The following ITGB5 variants were observed in gnomAD, a reference collection of about 807,000 sequenced individuals.
ITGB5 encodes integrin subunit beta 5, also known as integrin beta-5.
ITGB5 carries 38 observed loss-of-function variants against 84.8 expected under a neutral mutation model. The ratio of observed to expected loss-of-function variants is 0.45; its 90% CI spans 0.35 to 0.59. The LOEUF (loss-of-function observed/expected upper bound fraction) is 0.59. ITGB5 is among the 20% of genes least tolerant of loss of function. The probability of loss-of-function intolerance (pLI) is 0.01; values close to 1 mark genes in which losing one functional copy is unlikely to be tolerated. For synonymous variants in ITGB5, 393 were observed against 414.4 expected (o/e 0.95, Z 0.63); for missense variants, 905 against 1,034.5 (o/e 0.87, Z 1.72).
intron 1 of ITGB5, among the ~76,000 whole-genome samples, chr3:124,898,791 A>AG (rs1935163607): frequency 7.0e-6 from 1 of 143,508 alleles, no homozygotes; most frequent in South Asian, 2.3e-4. Context: ...AAAAAAAAAA[A>AG]AAGGCCGGGC....
In ITGB5 at chr3:124,763,327, A is replaced by G. The variant is rs2063719358; in HGVS notation, c.*296T>C. On this transcript the variant is annotated 3_prime_UTR_variant, in exon 15 of 15. Coordinates refer to ENST00000296181, the MANE Select transcript of ITGB5 (RefSeq NM_002213.5). ...GAAGGGAGAGACAGCCCAGCATCTCAGTATTTCATTGGGACAACAAGCTGG... is the reference window on the plus strand; with the variant it reads ...GAAGGGAGAGACAGCCCAGCATCTCGGTATTTCATTGGGACAACAAGCTGG... The G allele has an allele frequency of 3.8e-6, 1 of 260,582 alleles. No individual in the cohort carries two copies. Among genetic ancestry groups the G allele is most frequent in the South Asian group, 6.8e-5 (1 of 14,616 alleles). The allele number at this position is 260,582 out of a possible 1,614,324, so 16.1% of individuals were successfully genotyped here.
intron 9 of ITGB5, among the ~76,000 whole-genome samples, chr3:124,801,197 G>A (rs2064310746): frequency 6.6e-6 from 1 of 152,138 alleles, no homozygotes; most frequent in African/African-American, 2.4e-5. Context: ...GCTTTGTGCT[G>A]GGCGTCTGTG....
chr3:124,877,795 T>G (rs1438947321), intron 1 of ITGB5, among the ~76,000 whole-genome samples: 2 of 152,002 alleles, frequency 1.3e-5, no homozygotes, highest in East Asian at 1.9e-4. Context: ...AGCCCCTTTA[T>G]CAGAAAGGAA....
chr3:124,882,144 T>C (rs998437920), intron 1 of ITGB5, among the ~76,000 whole-genome samples: 2 of 152,182 alleles, frequency 1.3e-5, no homozygotes, highest in South Asian at 2.1e-4. Flanking sequence ...TCATCCATTA[T>C]TCATTCAACA....
At chr3:124,869,519 G>C (rs1020482782) in intron 2 of ITGB5, among the ~76,000 whole-genome samples, 2 of 152,206 alleles carry the variant, frequency 1.3e-5, no homozygotes, top group African/African-American at 4.8e-5. Context: ...AAGCTAGAGT[G>C]AGCCATGATT....
chr3:124,774,646 TTA>T (rs2063896506), intron 10 of ITGB5, among the ~76,000 whole-genome samples: 1 of 152,180 alleles, frequency 6.6e-6, no homozygotes, highest in South Asian at 2.1e-4. Flanking sequence ...CCGTGTTGCT[TTA>T]TGTCACTAAA....
rs139754446 is a variant in ITGB5 at position 124,776,417 on chromosome 3, A to G, written c.1694-2505T>C. ...TAAAATGGCTCACTGTGAGGGGATT[A>G]TTCCCCACCCCCCCAACATTTTGTT... On this transcript the variant is annotated intron_variant, in intron 10 of 14. Coordinates refer to ENST00000296181, the MANE Select transcript of ITGB5 (RefSeq NM_002213.5). Among the ~76,000 whole-genome samples the G allele has an allele frequency of 3.2e-3, 487 of 152,296 alleles. 3 individuals are homozygous for G. The highest frequency in any genetic ancestry group is 0.01 in the Middle Eastern group (3 of 294).
Position 124,848,527 on chromosome 3 carries a change from G to A in ITGB5, c.393C>T (p.Arg131=). 6 of 1,613,568 alleles carry A rather than the reference G, an allele frequency of 3.7e-6. No individual in the cohort carries two copies. The highest frequency in any genetic ancestry group is 1.1e-5 in the South Asian group (1 of 91,058). Residue 131 remains arginine (R), a synonymous_variant, in exon 4 of 15, where the codon CGC becomes CGT. Coordinates refer to ENST00000296181, the MANE Select transcript of ITGB5 (RefSeq NM_002213.5). ...GDKTTFQLQV[R]QVEDYPVDLY... is the part of the protein sequence containing the mutation. ...GGTCCACAGGATAGTCCTCCACCTG[G>A]CGAACCTGTAGCTGGAAGGTGGTCT...
At chr3:124,849,488 T>G (rs2065123604) in intron 3 of ITGB5, among the ~76,000 whole-genome samples, 1 of 152,208 alleles carries the variant, frequency 6.6e-6, no homozygotes. Context: ...TAGTATTTAT[T>G]TGGGGGGCAT....
chr3:124,861,160 T>C (rs182905547), intron 2 of ITGB5, among the ~76,000 whole-genome samples: 3 of 152,232 alleles, frequency 2.0e-5, no homozygotes, highest in African/African-American at 7.2e-5. Context: ...GTCCTAAGCC[T>C]ACGGTATGTT....
In ITGB5 at chr3:124,886,971, G is replaced by A. The variant is rs1934847774; in HGVS notation, c.30C>T (p.Ala10=). Residue 10 remains alanine (A), a synonymous_variant, in exon 1 of 15, where the codon GCC becomes GCT. Coordinates refer to ENST00000296181, the MANE Select transcript of ITGB5 (RefSeq NM_002213.5). MPRAPAPLY[A]CLLGLCALLP... ...GGAGCGCGCAGAGCCCCAGGAGGCA[G>A]GCGTACAGCGGCGCCGGGGCCCGCG... 1.5e-5 allele frequency: 18 copies of A among 1,202,632 alleles called. No homozygotes were observed. Among genetic ancestry groups the A allele is most frequent in the Non-Finnish European group, 1.9e-5 (18 of 969,412 alleles). 74.5% of individuals were successfully genotyped at this position (1,202,632 alleles called of 1,614,324 possible). A position where few individuals can be genotyped will look rare whatever the true frequency, so the allele number is the denominator to read the frequency against.
intron 8 of ITGB5, among the ~76,000 whole-genome samples, chr3:124,813,985 G>A (rs1418455010): frequency 6.6e-6 from 1 of 152,106 alleles, no homozygotes; most frequent in Non-Finnish European, 1.5e-5. Flanking sequence ...AACAAAAGAT[G>A]TTCCTATTAC....
At chr3:124,875,556 G>C (rs1289021239) in intron 1 of ITGB5, among the ~76,000 whole-genome samples, 3 of 151,836 alleles carry the variant, frequency 2.0e-5, no homozygotes, top group Non-Finnish European at 4.4e-5. Flanking sequence ...TCTGTACACT[G>C]TTGGTGGGAA....
At chr3:124,898,823 C>T (rs1367901022) in intron 1 of ITGB5, among the ~76,000 whole-genome samples, 1 of 146,612 alleles carries the variant, frequency 6.8e-6, no homozygotes, top group Non-Finnish European at 1.5e-5. Flanking sequence ...CACCTGTAAT[C>T]CCAGTACTTT....
At chr3:124,796,915 C>T in intron 9 of ITGB5, 98 bp from the exon 10 acceptor site, 4 of 1,175,174 alleles carry the variant, frequency 3.4e-6, no homozygotes, top group South Asian at 1.6e-5. Flanking sequence ...GCTGCGAACT[C>T]CAGCCCTCTC....
chr3:124,883,103 A>C (rs750012437), intron 1 of ITGB5, among the ~76,000 whole-genome samples: 3 of 152,202 alleles, frequency 2.0e-5, no homozygotes, highest in Non-Finnish European at 2.9e-5. Context: ...AAGAGACCCT[A>C]TCCCATTAAC....
chr3:124,834,356 C>T (rs1334223841), intron 5 of ITGB5, among the ~76,000 whole-genome samples: 2 of 150,114 alleles, frequency 1.3e-5, no homozygotes, highest in Admixed American at 1.3e-4. Context: ...TCTTTATTTT[C>T]TATTCATTTT....
intron 8 of ITGB5, 123 bp from the exon 9 acceptor site, chr3:124,809,279 A>G: frequency 9.8e-7 from 1 of 1,019,204 alleles, no homozygotes; most frequent in Non-Finnish European, 1.5e-6. Flanking sequence ...CCAAAGGAAG[A>G]GCCAGTGAGC....
At chr3:124,812,347 C>T (rs1909587) in intron 8 of ITGB5, among the ~76,000 whole-genome samples, 7,899 of 152,254 alleles carry the variant, frequency 0.052, 489 homozygotes, top group African/African-American at 0.14. Flanking sequence ...ATTAAATACT[C>T]GGTCAGGTTA....
Sources: allele counts gnomAD v4.1 joint callset (sites outside exome capture counted in the v4.1 genomes callset), GRCh38; gene constraint gnomAD v4.1.1; transcripts MANE v1.5; gene names NCBI Gene and HGNC (gene_info 2026-07-23, HGNC 2026-07-21).